FAM153A: variants seen among roughly 807,000 people sequenced by gnomAD.
The protein encoded by FAM153A is protein FAM153A.
A neutral mutation model predicts 48.1 loss-of-function variants in FAM153A; 12 were observed. The observed-to-expected ratio is 0.25, with a 90% CI of 0.16 to 0.40. The LOEUF is 0.40. Among genes scored for constraint, FAM153A ranks in the 10% least tolerant of loss-of-function variants. The probability of loss-of-function intolerance (pLI) is 1.00; values close to 1 mark genes in which losing one functional copy is unlikely to be tolerated. For missense variants in FAM153A, 111 were observed against 345.8 expected, an observed-to-expected ratio of 0.32 and a Z score of 5.38; for synonymous variants, 36 against 118.2, an observed-to-expected ratio of 0.30 and a Z score of 4.51.
chr5:177,716,963 T>TTGTGTG (rs1561866290), intron 24 of FAM153A, among the ~76,000 whole-genome samples: 1 of 56,354 alleles, frequency 1.8e-5, no homozygotes, highest in African/African-American at 7.5e-5. Context: ...CATTCCCGCT[T>TTGTGTG]AGTGTGTGTG....
At chr5:177,699,902 CAAG>C in the FAM153A span, among the ~76,000 whole-genome samples, 74 of 150,606 alleles carry the variant, frequency 4.9e-4, 1 homozygote, top group African/African-American at 1.7e-3. Context: ...AAAAAAAACA[CAAG>C]AAGGAAAACT....
At chr5:177,754,110 C>G, upstream of FAM153A, among the ~76,000 whole-genome samples, 1 of 151,760 alleles carries the variant, frequency 6.6e-6, no homozygotes, top group Non-Finnish European at 1.5e-5. Context: ...TGACAGGCTG[C>G]ACCTGGAAAA....
At chr5:177,770,831 T>G (rs1455951390) in intron 1 of FAM153A, among the ~76,000 whole-genome samples, 1 of 99,152 alleles carries the variant, frequency 1.0e-5, no homozygotes, top group African/African-American at 4.0e-5. Flanking sequence ...GGGGAGGCCG[T>G]GCATGTGTGG....
chr5:177,725,962 G>C (rs1403157706), intron 18 of FAM153A, among the ~76,000 whole-genome samples: 1 of 150,726 alleles, frequency 6.6e-6, no homozygotes, highest in African/African-American at 2.5e-5. Flanking sequence ...GTGAGGAGTG[G>C]AGGCCAAAAC....
chr5:177,734,337 T>G, intron 14 of FAM153A, 43 bp downstream of exon 16: 1 of 1,132,094 alleles, frequency 8.8e-7, no homozygotes, highest in African/African-American at 2.0e-5. Context: ...TTCCTCAACA[T>G]CTGGATTACT....
intron 4 of FAM153A, among the ~76,000 whole-genome samples, chr5:177,746,748 G>A (rs556200641): frequency 2.8e-4 from 42 of 151,618 alleles, no homozygotes; most frequent in African/African-American, 8.0e-4. Flanking sequence ...AGGTGGGGGC[G>A]CTGACCCTCT....
At chr5:177,755,978 C>T (rs1160786637), upstream of FAM153A, among the ~76,000 whole-genome samples, 2 of 150,706 alleles carry the variant, frequency 1.3e-5, no homozygotes, top group Non-Finnish European at 2.9e-5. Flanking sequence ...CAAATTCACA[C>T]ATAACAATAT....
At chr5:177,754,513 G>T (rs999449512), upstream of FAM153A, among the ~76,000 whole-genome samples, 5 of 151,892 alleles carry the variant, frequency 3.3e-5, no homozygotes, top group African/African-American at 1.2e-4. Flanking sequence ...CACAGTTTGA[G>T]ATCTGAGAAC....
chr5:177,759,820 G>A (rs1768132036), intron 1 of FAM153A, among the ~76,000 whole-genome samples: 1 of 151,182 alleles, frequency 6.6e-6, no homozygotes, highest in Admixed American at 6.6e-5. Flanking sequence ...GTTGTGGGGG[G>A]GAGGGATAGC....
At chr5:177,710,435 T>G (rs1354953402), downstream of FAM153A, among the ~76,000 whole-genome samples, 1 of 151,720 alleles carries the variant, frequency 6.6e-6, no homozygotes, top group Non-Finnish European at 1.5e-5. Flanking sequence ...AAATCTTGTA[T>G]ATTGATTTCA....
At chr5:177,703,654 C>A (rs575839291), downstream of FAM153A, among the ~76,000 whole-genome samples, 2 of 107,888 alleles carry the variant, frequency 1.9e-5, no homozygotes, top group African/African-American at 7.6e-5. Flanking sequence ...TGTTTGAGGT[C>A]GGGCATGGTG....
downstream of FAM153A, chr5:177,718,711 AAAAAT>A (rs1184184854): frequency 2.2e-5 from 3 of 134,748 alleles, no homozygotes; most frequent in East Asian, 2.1e-4. Context: ...AAAATTAAGA[AAAAAT>A]AAAACAGGCT....
chr5:177,696,064 A>G, the FAM153A span, among the ~76,000 whole-genome samples: 6 of 122,072 alleles, frequency 4.9e-5, no homozygotes, highest in African/African-American at 9.6e-5. Context: ...CACTTCCCAG[A>G]TGATGGGCGG....
chr5:177,753,641 C>CCTAG (rs1318012340), upstream of FAM153A, among the ~76,000 whole-genome samples: 42 of 149,684 alleles, frequency 2.8e-4, no homozygotes, highest in African/African-American at 1.0e-3. Context: ...ACCAGAGAGT[C>CCTAG]CTAGCTTCAA....
chr5:177,739,124 G>T, exon 10 of FAM153A: 1 of 1,610,114 alleles, frequency 6.2e-7, no homozygotes, highest in South Asian at 1.1e-5. Context: ...GTTGGTTTGG[G>T]TGCCTGCGTC....
At chr5:177,779,305 T>C (rs1378238740) in intron 1 of FAM153A, among the ~76,000 whole-genome samples, 10 of 100,186 alleles carry the variant, frequency 1.0e-4, no homozygotes, top group African/African-American at 2.2e-4. Context: ...TGTGTGTGTG[T>C]GCGCACCCGA....
upstream of FAM153A, among the ~76,000 whole-genome samples, chr5:177,756,652 C>T (rs1324062014): frequency 2.0e-5 from 3 of 151,858 alleles, no homozygotes; most frequent in Non-Finnish European, 2.9e-5. Flanking sequence ...GACCACAGTG[C>T]AATCAAACTA....
upstream of FAM153A, among the ~76,000 whole-genome samples, chr5:177,756,123 A>G (rs1767702265): frequency 6.6e-6 from 1 of 150,732 alleles, no homozygotes; most frequent in Non-Finnish European, 1.5e-5. Context: ...CAGGCTCAGA[A>G]TAAAGGGATG....
downstream of FAM153A, among the ~76,000 whole-genome samples, chr5:177,709,534 T>G (rs915881768): frequency 2.2e-4 from 33 of 150,436 alleles, 1 homozygote; most frequent in African/African-American, 8.1e-4. Flanking sequence ...GCTAATTTTT[T>G]GTATTTTTAG....
Sources: allele counts gnomAD v4.1 joint callset (sites outside exome capture counted in the v4.1 genomes callset), GRCh38; gene constraint gnomAD v4.1.1; transcripts MANE v1.5; gene names NCBI Gene and HGNC (gene_info 2026-07-23, HGNC 2026-07-21).